Variants in FGF13 observed in about 807,000 individuals in gnomAD.
The protein encoded by FGF13 is fibroblast growth factor homologous factor 2.
In FGF13, 2 loss-of-function variants were observed where a neutral mutation model predicts 19.5. That is an observed-to-expected ratio of 0.10 (90% CI 0.04 to 0.32). The LOEUF (loss-of-function observed/expected upper bound fraction) is 0.32, where lower values mean the gene tolerates loss of function less well. FGF13 is among the 10% of genes least tolerant of loss of function. The probability of loss-of-function intolerance (pLI) is 1.00; values close to 1 mark genes in which losing one functional copy is unlikely to be tolerated. For missense variants in FGF13, 113 were observed against 192.7 expected (o/e 0.59, Z 2.45); for synonymous variants, 72 against 76.9 (o/e 0.94, Z 0.33).
chrX:138,809,165 T>C (rs2090899487), intron 3 of FGF13, among the ~76,000 whole-genome samples: 2 of 111,537 alleles, frequency 1.8e-5, no homozygotes, highest in Admixed American at 1.9e-4. Flanking sequence ...TAGACCAATA[T>C]CCCTGATGAA....
intron 3 of FGF13, among the ~76,000 whole-genome samples, chrX:138,777,356 T>C (rs955029746): frequency 1.8e-5 from 2 of 111,789 alleles, no homozygotes; most frequent in Non-Finnish European, 3.8e-5. Flanking sequence ...AAAAGGTTTT[T>C]TGTTTCTACG....
intron 1 of FGF13, among the ~76,000 whole-genome samples, chrX:139,161,945 T>G (rs1314332174): frequency 8.9e-6 from 1 of 112,063 alleles, no homozygotes; most frequent in African/African-American, 3.2e-5. Flanking sequence ...ATAGGAAGAA[T>G]CAATACCATG....
intron 3 of FGF13, among the ~76,000 whole-genome samples, chrX:138,778,037 G>A (rs1197184003): frequency 8.9e-6 from 1 of 111,991 alleles, no homozygotes; most frequent in Admixed American, 9.5e-5. Context: ...TATTGAAAAG[G>A]TGGGGGTAGG....
chrX:139,014,648 A>C (rs1189885390), intron 1 of FGF13, among the ~76,000 whole-genome samples: 2 of 111,251 alleles, frequency 1.8e-5, no homozygotes, highest in African/African-American at 3.3e-5. Flanking sequence ...GATTTCAAAA[A>C]CTAACACCTA....
At chrX:138,758,525 C>T (rs1012665392) in intron 3 of FGF13, among the ~76,000 whole-genome samples, 3 of 110,661 alleles carry the variant, frequency 2.7e-5, no homozygotes, top group Admixed American at 1.9e-4. Flanking sequence ...TCTGGATCTT[C>T]GACCCTCTCT....
At chrX:138,922,085 C>T (rs894380500) in intron 1 of FGF13, among the ~76,000 whole-genome samples, 4 of 109,306 alleles carry the variant, frequency 3.7e-5, no homozygotes, top group African/African-American at 1.3e-4. Flanking sequence ...TTGCTACTGG[C>T]TATGCTCCAA....
intron 3 of FGF13, among the ~76,000 whole-genome samples, chrX:138,646,758 G>A (rs1221821463): frequency 4.5e-5 from 5 of 111,417 alleles, no homozygotes; most frequent in African/African-American, 6.5e-5. Context: ...AGGTACAGAC[G>A]CAGGTAACAC....
chrX:139,093,151 C>T (rs1291933860), intron 1 of FGF13, among the ~76,000 whole-genome samples: 1 of 112,035 alleles, frequency 8.9e-6, no homozygotes, highest in Non-Finnish European at 1.9e-5. Flanking sequence ...GAACCAATGG[C>T]GAGCAAAATC....
chrX:139,119,114 A>G (rs982011665), intron 1 of FGF13, among the ~76,000 whole-genome samples: 2 of 111,755 alleles, frequency 1.8e-5, no homozygotes, highest in Non-Finnish European at 3.8e-5. Flanking sequence ...AGGTGGGAGG[A>G]GCTCAGAGGT....
chrX:138,986,608 T>A (rs966280919), intron 1 of FGF13, among the ~76,000 whole-genome samples: 2 of 111,887 alleles, frequency 1.8e-5, no homozygotes, highest in Admixed American at 1.9e-4. Flanking sequence ...CTAGGCTGAA[T>A]TTGAACTCCT....
At chrX:138,644,543 G>A (rs2089286230) in intron 3 of FGF13, among the ~76,000 whole-genome samples, 1 of 111,362 alleles carries the variant, frequency 9.0e-6, no homozygotes, top group Admixed American at 9.6e-5. Flanking sequence ...GCCTCGCAAA[G>A]TGCTGGGATT....
intron 1 of FGF13, among the ~76,000 whole-genome samples, chrX:139,119,583 T>C (rs1292339470): frequency 9.0e-6 from 1 of 111,627 alleles, no homozygotes; most frequent in African/African-American, 3.3e-5. Context: ...CATCATGCTA[T>C]GCAAGGTTCC....
At chrX:139,032,383 T>C (rs937998449) in intron 1 of FGF13, among the ~76,000 whole-genome samples, 1 of 111,568 alleles carries the variant, frequency 9.0e-6, no homozygotes, top group African/African-American at 3.3e-5. Context: ...AATATACCTA[T>C]AGGGTTCTTT....
rs910417434 is a variant in FGF13, at chrX:138,631,689, T to G, written c.*1161A>C. On this transcript the variant is annotated 3_prime_UTR_variant, in exon 5 of 5. Transcript: ENST00000315930. ...GACAGAAAACTGCCTGTACATGCTA[T>G]GTCCACTTTTGGAACACAGATTTTT... 2.7e-5 allele frequency: 3 copies of G among 112,715 alleles called. No homozygotes were observed. Among genetic ancestry groups the G allele is most frequent in the Non-Finnish European group, 5.6e-5 (3 of 53,304 alleles). 9.3% of individuals were successfully genotyped at this position (112,715 alleles called of 1,213,427 possible).
intron 1 of FGF13, among the ~76,000 whole-genome samples, chrX:139,161,329 T>C (rs2084031449): frequency 8.9e-6 from 1 of 111,932 alleles, no homozygotes; most frequent in South Asian, 3.7e-4. Context: ...AACTAGGTAT[T>C]GATGGAACAT....
intron 1 of FGF13, among the ~76,000 whole-genome samples, chrX:138,947,640 A>G (rs1159411120): frequency 9.0e-6 from 1 of 111,482 alleles, no homozygotes; most frequent in African/African-American, 3.3e-5. Flanking sequence ...CTACGAGGCT[A>G]ACGTCTCAGC....
intron 1 of FGF13, among the ~76,000 whole-genome samples, chrX:139,177,845 G>GC (rs1436955204): frequency 1.8e-5 from 2 of 112,290 alleles, no homozygotes; most frequent in Non-Finnish European, 3.8e-5. Context: ...CAAACCCAGG[G>GC]CCCTGGTTGT....
intron 3 of FGF13, among the ~76,000 whole-genome samples, chrX:138,688,756 A>C (rs2089810395): frequency 8.9e-6 from 1 of 112,235 alleles, no homozygotes; most frequent in Non-Finnish European, 1.9e-5. Flanking sequence ...TATAAAAAGA[A>C]GACTGCTCAA....
intron 2 of FGF13, among the ~76,000 whole-genome samples, chrX:138,708,099 A>G (rs2090009040): frequency 8.9e-6 from 1 of 112,449 alleles, no homozygotes; most frequent in African/African-American, 3.2e-5. Flanking sequence ...ATCAATCATC[A>G]TTGAGGAGAA....
Sources: allele counts gnomAD v4.1 joint callset (sites outside exome capture counted in the v4.1 genomes callset), GRCh38; gene constraint gnomAD v4.1.1; transcripts MANE v1.5; gene names NCBI Gene and HGNC (gene_info 2026-07-23, HGNC 2026-07-21).